ARHGAP4: variants seen among roughly 807,000 people sequenced by gnomAD.
ARHGAP4 encodes rho GTPase-activating protein 4.
Under a neutral mutation model 67.6 loss-of-function variants are expected in ARHGAP4, and 25 were observed. The observed-to-expected ratio is 0.37, with a 90% CI of 0.27 to 0.52. The LOEUF is 0.52. Ranked by LOEUF, ARHGAP4 falls within the 20% of genes least tolerant of loss-of-function variation. The pLI, the probability that ARHGAP4 is intolerant of heterozygous loss-of-function variation, is 0.92. For synonymous variants in ARHGAP4, 448 were observed against 373.7 expected (o/e 1.20, Z -2.29); for missense variants, 804 against 854.6 (o/e 0.94, Z 0.74).
At chrX:153,922,466 G>A (rs1356841612) in intron 1 of ARHGAP4, 6 of 553,929 alleles carry the variant, frequency 1.1e-5, no homozygotes, top group Non-Finnish European at 1.0e-5. Flanking sequence ...ATCACCCCCC[G>A]CCCCACCTGT....
rs1557105090 is a variant in ARHGAP4 at position 153,920,783 on chromosome X, T to C, written c.524A>G (p.His175Arg). The stretch of plus-strand genomic sequence containing the variant: ...GGCCTCGGCATTCACGCTCTCCATG[T>C]GATATGCCTGGTACGTCTTCTTGGC... ...QTAKKTYQAY[H>R]MESVNAEAKL... is the part of the protein sequence containing the mutation. Residue 175 changes from histidine to arginine, a missense_variant, in exon 5 of 22, where the codon CAC becomes CGC. Coordinates refer to ENST00000350060, the MANE Select transcript of ARHGAP4 (RefSeq NM_001666.5). 1 of 1,211,808 alleles carries C rather than the reference T, an allele frequency of 8.3e-7. No individual in the cohort carries two copies. The highest frequency in any genetic ancestry group is 1.8e-5 in the South Asian group (1 of 57,043).
At position 153,909,745 on chromosome X, in the gene ARHGAP4, C is replaced by T. The variant is rs372171914; in HGVS notation, c.2410G>A (p.Ala804Thr). ...LIPHKYITLP[A>T]GTEKQVVGAG... is the part of the protein sequence containing the mutation. ...CTGAGGGCGCGGCTCACTCACCCGGCGGGCAGCGTGATATACTTGTGGGGG... is the reference window on the plus strand; with the variant it reads ...CTGAGGGCGCGGCTCACTCACCCGGTGGGCAGCGTGATATACTTGTGGGGG... Residue 804 changes from alanine (A) to threonine (T), a missense_variant, in exon 19 of 22, where the codon GCC becomes ACC. Physicochemically the swap from Ala to Thr is moderately conservative, Grantham distance 58. Coordinates refer to ENST00000350060, the MANE Select transcript of ARHGAP4 (RefSeq NM_001666.5). The T allele has an allele frequency of 2.8e-5, 33 of 1,185,330 alleles. No homozygotes were observed. The highest frequency in any genetic ancestry group is 3.6e-5 in the Non-Finnish European group (32 of 883,557).
rs1039949915 is a variant in ARHGAP4 at position 153,923,341 on chromosome X, C to T, written c.68-1532G>A. On this transcript the variant is annotated intron_variant, in intron 1 of 21. Transcript: ENST00000350060. Reference sequence around the variant, plus strand: ...CTTCCCAGGGGCTGTTGCATGGGGACCCTGTGGGTTCCGCCTGCCCAGCAT... The same window carrying T: ...CTTCCCAGGGGCTGTTGCATGGGGATCCTGTGGGTTCCGCCTGCCCAGCAT... Among the ~76,000 whole-genome samples, 3 of 111,709 alleles carry T rather than the reference C, an allele frequency of 2.7e-5. No homozygotes were observed. The South Asian group carries it at 1.1e-3, about 41-fold the overall frequency.
chrX:153,909,126 G>A lies in ARHGAP4; in HGVS notation c.2551C>T (p.His851Tyr), dbSNP rs2064995680. 6 of 1,209,974 alleles carry A rather than the reference G, an allele frequency of 5.0e-6. No individual in the cohort carries two copies. The highest frequency in any genetic ancestry group is 6.7e-6 in the Non-Finnish European group (6 of 895,160). Residue 851 changes from histidine to tyrosine, a missense_variant, in exon 21 of 22, where the codon CAC (histidine) becomes TAC (tyrosine). Coordinates refer to ENST00000350060, the MANE Select transcript of ARHGAP4 (RefSeq NM_001666.5). ...GCTGGGACCAAGCAGCGTCGTCTGT[G>A]TCCAGAGGGTCCCATGGCCTCAGGT... ...TSPEAMGPSG[H>Y]RRRCLVPASP...
chrX:153,915,287 G>T (rs1320554900), intron 7 of ARHGAP4, among the ~76,000 whole-genome samples: 1 of 112,246 alleles, frequency 8.9e-6, no homozygotes, highest in Non-Finnish European at 1.9e-5. Flanking sequence ...AGATGAACAA[G>T]TTCTGCGGCT....
intron 11 of ARHGAP4, 59 bp downstream of exon 11, chrX:153,912,965 C>T (rs2065031102): frequency 8.5e-7 from 1 of 1,170,799 alleles, no homozygotes; most frequent in South Asian, 1.9e-5. Context: ...TGAGCTGGGC[C>T]CCAGGAAGAG....
In ARHGAP4 at chrX:153,913,868, G is replaced by T; in HGVS notation, c.1044C>A (p.Ile348=). The change falls in exon 8 of 22, where the codon ATC becomes ATA. Residue 348 remains isoleucine (I), a synonymous_variant. Coordinates refer to ENST00000350060, the MANE Select transcript of ARHGAP4 (RefSeq NM_001666.5). The stretch of plus-strand genomic sequence containing the variant: ...CGTCCCGCAGCTCCATTTCAACGCA[G>T]ATCTCAGCCACCTGCAGAGGGCGGC... ...HPHDGDEVAE[I]CVEMELRDEI... The T allele has an allele frequency of 8.3e-7, 1 of 1,211,975 alleles. No homozygotes were observed. Among genetic ancestry groups the T allele is most frequent in the Non-Finnish European group, 1.1e-6 (1 of 895,366 alleles).
At chrX:153,917,230 T>A (rs1378044800) in intron 7 of ARHGAP4, among the ~76,000 whole-genome samples, 1 of 107,069 alleles carries the variant, frequency 9.3e-6, no homozygotes, top group Non-Finnish European at 1.9e-5. Flanking sequence ...AATAAATAAA[T>A]AAAATAAATT....
chrX:153,919,786 T>C, intron 5 of ARHGAP4: 1 of 845,527 alleles, frequency 1.2e-6, no homozygotes, highest in Non-Finnish European at 1.6e-6. Flanking sequence ...ACTCTATTTT[T>C]TTTTTATTTT....
rs1427278026 is a variant in ARHGAP4 at position 153,912,885 on chromosome X, C to A, written c.1440-83G>T. On this transcript the variant is annotated intron_variant, in intron 11 of 21. Transcript: ENST00000350060. ...CCCCCCAGGCCAGCCAAGCCGGCCT[C>A]TAATTCTCTGAAGTTATTCCACAAT... The A allele has an allele frequency of 3.6e-6, 4 of 1,119,406 alleles. No homozygotes were observed. The African/African-American group carries it at 7.3e-5, about 20-fold the overall frequency. The allele number at this position is 1,119,406 out of a possible 1,213,427, so 92.3% of individuals were successfully genotyped here.
chrX:153,925,125 C>T (rs1557105928), intron 1 of ARHGAP4, among the ~76,000 whole-genome samples: 1 of 112,115 alleles, frequency 8.9e-6, no homozygotes, highest in African/African-American at 3.2e-5. Context: ...TCCATCTGAG[C>T]AAGATGATGG....
chrX:153,921,657 A>T lies in ARHGAP4; in HGVS notation c.220T>A (p.Phe74Ile). Reference protein sequence around the residue: ...SRGLEKLAERFSSRGGRLGSS... With the variant: ...SRGLEKLAERISSRGGRLGSS... The stretch of plus-strand genomic sequence containing the variant: ...CCCAGGCGGCCTCCACGGCTGGAGA[A>T]GCGCTCGGCCAGCTTTTCCAGGCCC... The change falls in exon 2 of 22, where the codon TTC (phenylalanine) becomes ATC (isoleucine). Residue 74 changes from phenylalanine to isoleucine, a missense_variant. Physicochemically the swap from Phe to Ile is conservative, Grantham distance 21. Coordinates refer to ENST00000350060, the MANE Select transcript of ARHGAP4 (RefSeq NM_001666.5). The T allele has an allele frequency of 8.3e-7, 1 of 1,209,408 alleles. No individual in the cohort carries two copies.
At chrX:153,913,161 G>A in intron 10 of ARHGAP4, 57 bp downstream of exon 10, 2 of 1,157,688 alleles carry the variant, frequency 1.7e-6, no homozygotes, top group South Asian at 1.9e-5. Context: ...GAGGACCGTG[G>A]GCTAGACAGG....
In ARHGAP4 at chrX:153,907,782, A is replaced by T; in HGVS notation, c.2788T>A (p.Ser930Thr). The T allele has an allele frequency of 9.9e-7, 1 of 1,011,273 alleles. No homozygotes were observed. The highest frequency in any genetic ancestry group is 3.9e-5 in the Admixed American group (1 of 25,571). 83.3% of individuals were successfully genotyped at this position (1,011,273 alleles called of 1,213,427 possible). A position where few individuals can be genotyped will look rare whatever the true frequency, so the allele number is the denominator to read the frequency against. ...GFSRGPGAPASPSASHPQGLD... is the reference protein window; with the variant it reads ...GFSRGPGAPATPSASHPQGLD... Reference sequence around the variant, plus strand: ...CCCTGGGGGTGGGAAGCTGAGGGTGAGGCTGGGGCCCCAGGGCCCCGGGAG... The same window carrying T: ...CCCTGGGGGTGGGAAGCTGAGGGTGTGGCTGGGGCCCCAGGGCCCCGGGAG... The change falls in exon 22 of 22, where the codon TCA (serine) becomes ACA (threonine). Residue 930 changes from serine to threonine, a missense_variant. Around this residue, in one of 2 missense-constraint regions of ARHGAP4, gnomAD observed 400 missense variants for 348.7 expected, o/e 1.15. Coordinates refer to ENST00000350060, the MANE Select transcript of ARHGAP4 (RefSeq NM_001666.5).
chrX:153,923,729 G>C (rs1557105725), intron 1 of ARHGAP4, among the ~76,000 whole-genome samples: 1 of 112,866 alleles, frequency 8.9e-6, no homozygotes, highest in African/African-American at 3.2e-5. Flanking sequence ...AGGTGGGGTG[G>C]GCGCTAATGC....
At chrX:153,925,771 A>C (rs1332672610) in intron 1 of ARHGAP4, among the ~76,000 whole-genome samples, 2 of 112,327 alleles carry the variant, frequency 1.8e-5, no homozygotes, top group African/African-American at 3.2e-5. Context: ...CCCCCAGCCC[A>C]ATCAAGCTGG....
chrX:153,926,040 C>A, intron 1 of ARHGAP4, 96 bp downstream of exon 1: 1 of 1,097,985 alleles, frequency 9.1e-7, no homozygotes, highest in Non-Finnish European at 1.2e-6. Context: ...CTGGGGAGAG[C>A]ATCGGGCCCT....
chrX:153,922,428 C>T (rs1351740719), intron 1 of ARHGAP4: 5 of 751,112 alleles, frequency 6.7e-6, no homozygotes, highest in Non-Finnish European at 7.8e-6. Flanking sequence ...AGCTAGCCCC[C>T]GTCTTCTGAC....
chrX:153,909,788 G>T lies in ARHGAP4; in HGVS notation c.2367C>A (p.Asn789Lys). Reference protein sequence around the residue: ...ASSDWWRGEHNGMRGLIPHKY... With the variant: ...ASSDWWRGEHKGMRGLIPHKY... Reference sequence around the variant, plus strand: ...TGTGGGGGATGAGGCCCCGCATGCCGTTGTGCTCCCCCCGCCACCAGTCGC... The same window carrying T: ...TGTGGGGGATGAGGCCCCGCATGCCTTTGTGCTCCCCCCGCCACCAGTCGC... The change falls in exon 19 of 22, where the codon AAC becomes AAA. Residue 789 changes from asparagine (N) to lysine (K), a missense_variant. Coordinates refer to ENST00000350060, the MANE Select transcript of ARHGAP4 (RefSeq NM_001666.5). 8.3e-7 allele frequency: 1 copy of T among 1,202,295 alleles called. No homozygotes were observed.
Sources: allele counts gnomAD v4.1 joint callset (sites outside exome capture counted in the v4.1 genomes callset), GRCh38; gene constraint gnomAD v4.1.1; regional missense constraint gnomAD v4.1.1; transcripts MANE v1.5; gene names NCBI Gene and HGNC (gene_info 2026-07-23, HGNC 2026-07-21).